DAB1: variants seen among roughly 807,000 people sequenced by gnomAD.
The protein encoded by DAB1 is DAB adaptor protein 1.
In DAB1, 15 loss-of-function variants were observed where a neutral mutation model predicts 64.6. The ratio of observed to expected loss-of-function variants is 0.23; its 90% CI spans 0.16 to 0.36. The LOEUF is 0.36. DAB1 is among the 10% of genes least tolerant of loss of function. The pLI, the probability that DAB1 is intolerant of heterozygous loss-of-function variation, is 1.00. For synonymous variants in DAB1, 235 were observed against 251.9 expected (o/e 0.93, Z 0.64); for missense variants, 596 against 706.7 (o/e 0.84, Z 1.78).
chr1:57,814,385 T>C (rs932587936), intron 6 of DAB1, among the ~76,000 whole-genome samples: 13 of 152,290 alleles, frequency 8.5e-5, no homozygotes, highest in Middle Eastern at 3.4e-3. Flanking sequence ...ACATATGGGC[T>C]CAAGAAGCTT....
chr1:57,184,234 C>T (rs950725858), intron 2 of DAB1, among the ~76,000 whole-genome samples: 1 of 152,128 alleles, frequency 6.6e-6, no homozygotes, highest in Non-Finnish European at 1.5e-5. Context: ...CTTTGTGTAC[C>T]ACAGGTGTTT....
intron 7 of DAB1, among the ~76,000 whole-genome samples, chr1:57,590,261 A>G (rs1382971188): frequency 6.6e-6 from 1 of 152,064 alleles, no homozygotes; most frequent in Non-Finnish European, 1.5e-5. Flanking sequence ...ATATTGGACT[A>G]TGGCCTGAAC....
chr1:57,678,440 T>C (rs1051361605), intron 6 of DAB1, among the ~76,000 whole-genome samples: 3 of 152,210 alleles, frequency 2.0e-5, no homozygotes, highest in Admixed American at 6.5e-5. Flanking sequence ...TAGGCTTTTA[T>C]TAAATGATGC....
chr1:57,344,323 C>T (rs1677910500), intron 1 of DAB1, among the ~76,000 whole-genome samples: 1 of 152,178 alleles, frequency 6.6e-6, no homozygotes, highest in African/African-American at 2.4e-5. Context: ...CTCTGCCTAG[C>T]TCTTTCTCTT....
chr1:58,155,357 A>G lies in DAB1; in HGVS notation n.310-4769T>C, dbSNP rs1227940208. ...TCACAATTAGGGGATTGGTACTACA[A>G]TTTAGGACAGGGTGCTGCTGAACAT... On this transcript the variant is annotated intron_variant and non_coding_transcript_variant, in intron 4 of 20. Coordinates refer to the DAB1 transcript ENST00000485760. Among the ~76,000 whole-genome samples, 5 of 152,294 alleles carry G rather than the reference A, an allele frequency of 3.3e-5. No homozygotes were observed. The East Asian group carries it at 7.7e-4, about 23-fold the overall frequency.
chr1:57,090,466 G>A (rs571932370), intron 4 of DAB1, among the ~76,000 whole-genome samples: 114 of 152,288 alleles, frequency 7.5e-4, no homozygotes, highest in Non-Finnish European at 1.3e-3. Flanking sequence ...TTGGGGGAGA[G>A]GGAGCCAGCG....
intron 5 of DAB1, among the ~76,000 whole-genome samples, chr1:58,085,186 A>G (rs983079824): frequency 2.0e-5 from 3 of 152,122 alleles, no homozygotes; most frequent in Non-Finnish European, 2.9e-5. Context: ...AGACAGATGG[A>G]GGAATTGGAT....
At chr1:57,670,247 T>G (rs1364960654) in intron 6 of DAB1, among the ~76,000 whole-genome samples, 1 of 152,128 alleles carries the variant, frequency 6.6e-6, no homozygotes, top group Non-Finnish European at 1.5e-5. Context: ...CTCACCAAAT[T>G]TGTTTCATGT....
chr1:57,923,920 C>A (rs776008214), intron 5 of DAB1, among the ~76,000 whole-genome samples: 4 of 152,102 alleles, frequency 2.6e-5, no homozygotes, highest in African/African-American at 4.8e-5. Flanking sequence ...ACAATCCAAG[C>A]GAAGTGAGAA....
Position 58,159,724 on chromosome 1 carries a change from T to C in DAB1, n.310-9136A>G, listed in dbSNP as rs151051828. On this transcript the variant is annotated intron_variant and non_coding_transcript_variant, in intron 4 of 20. Transcript: ENST00000485760. ...TTCTGCAAGACATTATATGTAAAGG[T>C]TGATTATTAGAACCCTGATTCTTTC... 2.0e-3 allele frequency among the ~76,000 whole-genome samples: 302 copies of C among 152,186 alleles called. 4 individuals are homozygous for C. The highest frequency in any genetic ancestry group is 0.017 in the Middle Eastern group (5 of 294).
Position 57,636,773 on chromosome 1 carries a change from T to A in DAB1, n.625+12819A>T, listed in dbSNP as rs936074023. Reference sequence around the variant, plus strand: ...TTATGGAAGGAATAGCTGGGGCAGATAATCGAGAGTTTAGTTCTGAATTTT... The same window carrying A: ...TTATGGAAGGAATAGCTGGGGCAGAAAATCGAGAGTTTAGTTCTGAATTTT... On this transcript the variant is annotated intron_variant and non_coding_transcript_variant, in intron 7 of 20. Transcript: ENST00000485760. Among the ~76,000 whole-genome samples the A allele has an allele frequency of 3.3e-5, 5 of 152,208 alleles. No homozygotes were observed. In the East Asian group the frequency reaches 9.6e-4, roughly 29 times the overall value.
intron 4 of DAB1, among the ~76,000 whole-genome samples, chr1:58,175,708 A>G (rs1656431428): frequency 6.6e-6 from 1 of 152,200 alleles, no homozygotes; most frequent in South Asian, 2.1e-4. Flanking sequence ...CATTGGAGTC[A>G]ATATAATCTT....
intron 2 of DAB1, among the ~76,000 whole-genome samples, chr1:58,509,804 C>T (rs1160447926): frequency 1.3e-5 from 2 of 151,618 alleles, no homozygotes; most frequent in Non-Finnish European, 2.9e-5. Context: ...AAAGAGGACA[C>T]ATTACAGCAT....
intron 9 of DAB1, 131 bp from the exon 10 acceptor site, chr1:57,026,174 T>C: frequency 1.5e-6 from 1 of 676,442 alleles, no homozygotes; most frequent in Non-Finnish European, 2.6e-6. Flanking sequence ...GTAATCCTGA[T>C]GGGTCATTAC....
chr1:58,187,364 T>C (rs1405674352), intron 4 of DAB1, among the ~76,000 whole-genome samples: 2 of 150,866 alleles, frequency 1.3e-5, no homozygotes, highest in Non-Finnish European at 3.0e-5. Flanking sequence ...GTAGTCCCAG[T>C]TACTCAGGAA....
intron 7 of DAB1, among the ~76,000 whole-genome samples, chr1:57,621,735 G>T (rs1473342242): frequency 6.6e-6 from 1 of 152,154 alleles, no homozygotes; most frequent in African/African-American, 2.4e-5. Flanking sequence ...ACTTGCCTCT[G>T]AAGGCAATCA....
intron 4 of DAB1, among the ~76,000 whole-genome samples, chr1:57,107,029 A>G (rs1245913012): frequency 1.3e-5 from 2 of 152,118 alleles, no homozygotes; most frequent in African/African-American, 2.4e-5. Context: ...TCTAATTGAT[A>G]GATAAGGTGA....
At chr1:57,553,858 G>A (rs1644956485) in intron 7 of DAB1, among the ~76,000 whole-genome samples, 1 of 152,042 alleles carries the variant, frequency 6.6e-6, no homozygotes, top group Non-Finnish European at 1.5e-5. Context: ...CAGGTATTCA[G>A]GGAGGTGGAA....
At chr1:57,387,481 TA>T (rs1681967463) in intron 1 of DAB1, 2 of 150,918 alleles carry the variant, frequency 1.3e-5, no homozygotes, top group African/African-American at 4.9e-5. Context: ...TGTGTATATG[TA>T]CACACACACA....
Sources: gnomAD v4.1 joint callset for allele counts (sites outside exome capture counted in the v4.1 genomes callset) on GRCh38, gnomAD v4.1.1 for gene constraint, MANE v1.5 for transcripts, NCBI Gene and HGNC (gene_info 2026-07-23, HGNC 2026-07-21) for gene names.